STRBP: variants seen among roughly 807,000 people sequenced by gnomAD.
STRBP encodes spermatid perinuclear RNA binding protein.
A neutral mutation model predicts 80.1 loss-of-function variants in STRBP; 13 were observed. The ratio of observed to expected loss-of-function variants is 0.16; its 90% CI spans 0.11 to 0.26. The LOEUF (loss-of-function observed/expected upper bound fraction) is 0.26, where lower values mean the gene tolerates loss of function less well. Ranked by LOEUF, STRBP falls within the 10% of genes least tolerant of loss-of-function variation. The pLI, the probability that STRBP is intolerant of heterozygous loss-of-function variation, is 1.00. For synonymous variants in STRBP, 284 were observed against 291.2 expected, an observed-to-expected ratio of 0.98 and a Z score of 0.25; for missense variants, 485 against 815.2, an observed-to-expected ratio of 0.59 and a Z score of 4.93.
intron 2 of STRBP, among the ~76,000 whole-genome samples, chr9:123,194,906 G>T (rs945354663): frequency 6.6e-6 from 1 of 152,186 alleles, no homozygotes; most frequent in Admixed American, 6.5e-5. Flanking sequence ...ACGCTGAAGT[G>T]CCTCAAGACT....
At chr9:123,266,770 T>A (rs1250830580) in intron 1 of STRBP, among the ~76,000 whole-genome samples, 1 of 151,966 alleles carries the variant, frequency 6.6e-6, no homozygotes, top group Non-Finnish European at 1.5e-5. Flanking sequence ...CATGTCCACA[T>A]ACACCTCTGC....
chr9:123,265,782 C>T (rs2041253421), intron 1 of STRBP, among the ~76,000 whole-genome samples: 1 of 152,174 alleles, frequency 6.6e-6, no homozygotes, highest in Non-Finnish European at 1.5e-5. Flanking sequence ...CACTTCCCAA[C>T]TCAAATCAAA....
intron 5 of STRBP, among the ~76,000 whole-genome samples, chr9:123,172,174 C>T (rs565920922): frequency 7.9e-5 from 12 of 152,120 alleles, no homozygotes; most frequent in Non-Finnish European, 1.5e-4. Flanking sequence ...GGAATATGAT[C>T]ATTCTCATAA....
At chr9:123,261,916 A>G (rs914149491) in intron 1 of STRBP, among the ~76,000 whole-genome samples, 2 of 152,216 alleles carry the variant, frequency 1.3e-5, no homozygotes, top group Non-Finnish European at 2.9e-5. Flanking sequence ...ACAGAAGCCT[A>G]TGATTAGATG....
At position 123,123,071 on chromosome 9, in the gene STRBP, A is replaced by G; in HGVS notation, c.*2526T>C. ...GCCTCAGGGTGTCACATTGCTCTTA[A>G]GACCAAGACATAGAAATTGCCATTT... On this transcript the variant is annotated 3_prime_UTR_variant, in exon 19 of 19. Coordinates refer to ENST00000348403, the MANE Select transcript of STRBP (RefSeq NM_018387.5). The G allele has an allele frequency of 1.0e-6, 1 of 985,454 alleles. No homozygotes were observed. Among genetic ancestry groups the G allele is most frequent in the African/African-American group, 1.7e-5 (1 of 57,368 alleles). 61.0% of individuals were successfully genotyped at this position (985,454 alleles called of 1,614,324 possible).
chr9:123,196,918 G>A (rs995690041), intron 2 of STRBP, among the ~76,000 whole-genome samples: 2 of 152,086 alleles, frequency 1.3e-5, no homozygotes, highest in Non-Finnish European at 2.9e-5. Context: ...TCAGTACATC[G>A]AAAAGGTAAC....
chr9:123,130,390 G>A (rs1255224048), intron 17 of STRBP, among the ~76,000 whole-genome samples: 1 of 152,140 alleles, frequency 6.6e-6, no homozygotes, highest in African/African-American at 2.4e-5. Flanking sequence ...GCCTTTCAGG[G>A]AGGTCAATGC....
At position 123,123,076 on chromosome 9, in the gene STRBP, A is replaced by G; in HGVS notation, c.*2521T>C. The G allele has an allele frequency of 1.0e-6, 1 of 985,456 alleles. No homozygotes were observed. The highest frequency in any genetic ancestry group is 4.7e-5 in the South Asian group (1 of 21,284). 61.0% of individuals were successfully genotyped at this position (985,456 alleles called of 1,614,324 possible). Reference sequence around the variant, plus strand: ...AGGGTGTCACATTGCTCTTAAGACCAAGACATAGAAATTGCCATTTCAAGC... The same window carrying G: ...AGGGTGTCACATTGCTCTTAAGACCGAGACATAGAAATTGCCATTTCAAGC... On this transcript the variant is annotated 3_prime_UTR_variant, in exon 19 of 19. Transcript: ENST00000348403.
At chr9:123,151,697 A>C (rs1174644691) in intron 11 of STRBP, among the ~76,000 whole-genome samples, 3 of 152,204 alleles carry the variant, frequency 2.0e-5, no homozygotes, top group African/African-American at 7.2e-5. Context: ...GCTTAAAGGG[A>C]AATTTACCAT....
In STRBP at chr9:123,115,332, T is replaced by C. The variant is rs759884081; in HGVS notation, c.*84+597A>G. ...CTCTCCTGAGGCCTGGCTCCTCTCCTGCCCTCGGCGGGAGACCTGGGAACG... is the reference window on the plus strand; with the variant it reads ...CTCTCCTGAGGCCTGGCTCCTCTCCCGCCCTCGGCGGGAGACCTGGGAACG... On this transcript the variant is annotated intron_variant and NMD_transcript_variant, in intron 3 of 3. Transcript: ENST00000471564. The surrounding 1 kb of genome is among the most constrained non-coding windows in gnomAD (Gnocchi z 5.0). 1.0e-3 allele frequency: 486 copies of C among 470,968 alleles called. 5 individuals are homozygous for C. Among genetic ancestry groups the C allele is most frequent in the Admixed American group, 4.5e-4 (19 of 42,562 alleles). The allele number at this position is 470,968 out of a possible 1,614,324, so 29.2% of individuals were successfully genotyped here.
intron 13 of STRBP, among the ~76,000 whole-genome samples, chr9:123,144,995 G>A (rs1015763567): frequency 2.0e-5 from 3 of 152,116 alleles, no homozygotes; most frequent in Admixed American, 6.6e-5. Context: ...ATGGATCAAA[G>A]TTTAGTTTAT....
chr9:123,178,960 T>C (rs2038339092), intron 4 of STRBP, 47 bp downstream of exon 4: 10 of 1,566,302 alleles, frequency 6.4e-6, no homozygotes, highest in Middle Eastern at 1.7e-4. Flanking sequence ...CCTTAGAGCT[T>C]TGCTGTGCAC....
intron 2 of STRBP, among the ~76,000 whole-genome samples, chr9:123,209,110 A>C (rs532852382): frequency 5.9e-5 from 9 of 152,152 alleles, no homozygotes; most frequent in Non-Finnish European, 1.2e-4. Flanking sequence ...ATCTTCCCAC[A>C]TATATTCTGT....
intron 2 of STRBP, among the ~76,000 whole-genome samples, chr9:123,198,294 C>T (rs190653670): frequency 2.8e-4 from 43 of 152,216 alleles, no homozygotes; most frequent in Admixed American, 8.5e-4. Context: ...CGCCATCATG[C>T]CAGGCTAATT....
chr9:123,224,120 C>G lies in STRBP; in HGVS notation c.-165+12710G>C, dbSNP rs145931260. Among the ~76,000 whole-genome samples, 12 of 152,306 alleles carry G rather than the reference C, an allele frequency of 7.9e-5. No homozygotes were observed. In the East Asian group the frequency reaches 2.3e-3, roughly 29 times the overall value. ...CAGTGAATAAAAAAGAAAACATCTA[C>G]TCATATTTATATATTAGCTCTAATC... On this transcript the variant is annotated intron_variant, in intron 2 of 18. Transcript: ENST00000348403.
At chr9:123,244,802 G>T (rs1564332918) in intron 1 of STRBP, among the ~76,000 whole-genome samples, 1 of 152,150 alleles carries the variant, frequency 6.6e-6, no homozygotes, top group Non-Finnish European at 1.5e-5. Flanking sequence ...GTACTCTTGG[G>T]CATTTATCCC....
chr9:123,177,230 G>A (rs935688550), intron 4 of STRBP, among the ~76,000 whole-genome samples: 17 of 152,128 alleles, frequency 1.1e-4, no homozygotes, highest in African/African-American at 2.4e-4. Context: ...TCCACAAAAC[G>A]GAAAGACTGT....
At chr9:123,127,374 C>A (rs572378802) in intron 18 of STRBP, among the ~76,000 whole-genome samples, 1 of 152,220 alleles carries the variant, frequency 6.6e-6, no homozygotes, top group East Asian at 1.9e-4. Flanking sequence ...GGATGCACAC[C>A]CAGCCTGGGG....
chr9:123,192,291 G>T (rs1036944562), intron 2 of STRBP, among the ~76,000 whole-genome samples: 36 of 152,196 alleles, frequency 2.4e-4, no homozygotes, highest in African/African-American at 8.2e-4. Flanking sequence ...AAATGGCCAA[G>T]GGAGTGGGTG....
Sources: gnomAD v4.1 joint callset for allele counts (sites outside exome capture counted in the v4.1 genomes callset) on GRCh38, gnomAD v4.1.1 for gene constraint, Gnocchi (gnomAD v3.1) non-coding constraint, MANE v1.5 for transcripts, NCBI Gene and HGNC (gene_info 2026-07-23, HGNC 2026-07-21) for gene names.